Variants in HERC3 observed in about 807,000 individuals in gnomAD.
HERC3 encodes the protein probable E3 ubiquitin-protein ligase HERC3.
Under a neutral mutation model 129.9 loss-of-function variants are expected in HERC3, and 58 were observed. That is an observed-to-expected ratio of 0.45 (90% CI 0.36 to 0.56). HERC3 has a LOEUF of 0.56. HERC3 is among the 20% of genes least tolerant of loss of function. The pLI, the probability that HERC3 is intolerant of heterozygous loss-of-function variation, is 0.00. For synonymous variants in HERC3, 430 were observed against 451.0 expected, an observed-to-expected ratio of 0.95 and a Z score of 0.59; for missense variants, 835 against 1,244.2, an observed-to-expected ratio of 0.67 and a Z score of 4.95.
the HERC3 span, among the ~76,000 whole-genome samples, chr4:88,584,881 C>CA: frequency 6.6e-6 from 1 of 152,194 alleles, no homozygotes; most frequent in Non-Finnish European, 1.5e-5. Flanking sequence ...CAAGAGGGAT[C>CA]TGGGTGACAA....
upstream of HERC3, among the ~76,000 whole-genome samples, chr4:88,587,955 G>A (rs189253177): frequency 6.6e-5 from 10 of 152,356 alleles, no homozygotes; most frequent in East Asian, 1.9e-4. Context: ...GAACCTTCAC[G>A]AAATACTTCA....
At chr4:88,610,037 C>T (rs2149201242) in intron 3 of HERC3, among the ~76,000 whole-genome samples, 1 of 152,300 alleles carries the variant, frequency 6.6e-6, no homozygotes, top group Middle Eastern at 3.4e-3. Context: ...AACCAGAGCT[C>T]ACTCTCGTGG....
chr4:88,652,135 C>T (rs1264902612), intron 5 of HERC3, 47 bp downstream of exon 5: 10 of 1,353,796 alleles, frequency 7.4e-6, no homozygotes, highest in Non-Finnish European at 1.1e-5. Flanking sequence ...ATTTTGAAAA[C>T]ATTTCTCTTT....
Position 88,681,166 on chromosome 4 carries a change from T to C in HERC3, c.2348T>C (p.Val783Ala). 1.2e-6 allele frequency: 2 copies of C among 1,608,740 alleles called. No homozygotes were observed. The highest frequency in any genetic ancestry group is 1.7e-6 in the Non-Finnish European group (2 of 1,178,450). Residue 783 changes from valine to alanine, a missense_variant, in exon 21 of 26, where the codon GTA becomes GCA. Coordinates refer to ENST00000402738, the MANE Select transcript of HERC3 (RefSeq NM_014606.3). ...TGTATGTGTCCTAAAAAGTGTTTTG[T>C]AGAGCACAACTGGTTTCACTTGATT... ...NLLWFSDTCF[V>A]EHNWFHLIGI... is the part of the protein sequence containing the mutation.
the HERC3 span, among the ~76,000 whole-genome samples, chr4:88,538,937 C>T: frequency 6.6e-6 from 1 of 152,184 alleles, no homozygotes; most frequent in Non-Finnish European, 1.5e-5. Context: ...TTTAAAAGTC[C>T]TATCTCCACT....
In HERC3 at chr4:88,654,349, C is replaced by T. The variant is rs1808624; in HGVS notation, c.777+216C>T. ...CTCTTTGGTAATCTTGTAGATTTTTCATATATATATATATATATATATATA... is the reference window on the plus strand; with the variant it reads ...CTCTTTGGTAATCTTGTAGATTTTTTATATATATATATATATATATATATA... On this transcript the variant is annotated intron_variant, in intron 7 of 25. Transcript: ENST00000402738. Among the ~76,000 whole-genome samples the T allele has an allele frequency of 5.9e-3, 415 of 70,908 alleles. 3 individuals are homozygous for T. The highest frequency in any genetic ancestry group is 0.019 in the African/African-American group (321 of 17,296). The allele number at this position is 70,908 out of a possible 152,430, so 46.5% of individuals were successfully genotyped here.
chr4:88,590,219 G>T (rs984166465), upstream of HERC3, among the ~76,000 whole-genome samples: 13 of 151,788 alleles, frequency 8.6e-5, no homozygotes, highest in African/African-American at 2.4e-4. Context: ...AGTGAGCAGA[G>T]ATCGCGCCAC....
intron 3 of HERC3, among the ~76,000 whole-genome samples, chr4:88,646,983 T>G (rs1484949386): frequency 6.6e-6 from 1 of 152,144 alleles, no homozygotes; most frequent in Non-Finnish European, 1.5e-5. Context: ...TTCTTTAACC[T>G]CTACTCAACT....
At chr4:88,532,525 G>A in the HERC3 span, among the ~76,000 whole-genome samples, 1 of 152,112 alleles carries the variant, frequency 6.6e-6, no homozygotes, top group Non-Finnish European at 1.5e-5. Flanking sequence ...TCACATAAGT[G>A]AGTGCAGATC....
intron 3 of HERC3, among the ~76,000 whole-genome samples, chr4:88,635,376 A>G (rs1041425327): frequency 6.6e-6 from 1 of 152,020 alleles, no homozygotes; most frequent in Non-Finnish European, 1.5e-5. Context: ...CAATAGTTGA[A>G]TCAGTCAAGC....
intron 23 of HERC3, among the ~76,000 whole-genome samples, chr4:88,695,189 C>T (rs1478593209): frequency 6.6e-6 from 1 of 151,988 alleles, no homozygotes; most frequent in African/African-American, 2.4e-5. Flanking sequence ...CTGATTTTCT[C>T]TTTTGGTTGG....
the HERC3 span, among the ~76,000 whole-genome samples, chr4:88,535,399 G>A: frequency 6.6e-6 from 1 of 152,310 alleles, no homozygotes; most frequent in East Asian, 1.9e-4. Context: ...AGATCTTACT[G>A]AAAAGTACTT....
intron 25 of HERC3, among the ~76,000 whole-genome samples, chr4:88,705,195 A>G (rs1442721764): frequency 6.6e-6 from 1 of 152,138 alleles, no homozygotes; most frequent in African/African-American, 2.4e-5. Context: ...AAAAATACCA[A>G]TTATTTTATA....
chr4:88,655,756 T>C, intron 8 of HERC3, 119 bp from the exon 9 acceptor site: 2 of 933,956 alleles, frequency 2.1e-6, no homozygotes, highest in South Asian at 1.7e-5. Flanking sequence ...CGTGTTAACA[T>C]GGGAAAGGCT....
intron 25 of HERC3, among the ~76,000 whole-genome samples, chr4:88,705,886 G>C (rs111377278): frequency 7.9e-5 from 12 of 152,064 alleles, no homozygotes; most frequent in African/African-American, 2.7e-4. Context: ...TCTTACACAA[G>C]AATTCTTAAA....
At chr4:88,564,010 T>C in the HERC3 span, among the ~76,000 whole-genome samples, 1,356 of 152,328 alleles carry the variant, frequency 8.9e-3, 19 homozygotes, top group African/African-American at 0.03. Flanking sequence ...AAATGTTGAA[T>C]TTTATCAAAT....
chr4:88,629,581 G>T (rs535066068), intron 3 of HERC3, among the ~76,000 whole-genome samples: 4 of 152,218 alleles, frequency 2.6e-5, no homozygotes, highest in South Asian at 4.1e-4. Flanking sequence ...TAGATCAAAA[G>T]ACATTCAAAA....
At chr4:88,586,518 C>G in the HERC3 span, among the ~76,000 whole-genome samples, 18 of 151,932 alleles carry the variant, frequency 1.2e-4, no homozygotes, top group Admixed American at 7.2e-4. Flanking sequence ...GCCACCATGC[C>G]CGGCTAATTT....
At position 88,680,085 on chromosome 4, in the gene HERC3, A is replaced by G. The variant is rs1290928886; in HGVS notation, c.2197-8A>G. ...CCGGAAGCATTAATTCTATTCTATT[A>G]TTTTAAGGTAATCTTTGATGGTGAA... On this transcript the variant is annotated splice_region_variant and splice_polypyrimidine_tract_variant and intron_variant, in intron 19 of 25. Transcript: ENST00000402738. 6.2e-7 allele frequency: 1 copy of G among 1,606,540 alleles called. No individual in the cohort carries two copies. Among genetic ancestry groups the G allele is most frequent in the Non-Finnish European group, 8.5e-7 (1 of 1,177,128 alleles).
Sources: gnomAD v4.1 joint callset for allele counts (sites outside exome capture counted in the v4.1 genomes callset) on GRCh38, gnomAD v4.1.1 for gene constraint, MANE v1.5 for transcripts, NCBI Gene and HGNC (gene_info 2026-07-23, HGNC 2026-07-21) for gene names.